PTPRN2: variants seen among roughly 807,000 people sequenced by gnomAD.
The protein encoded by PTPRN2 is protein tyrosine phosphatase receptor type N2.
PTPRN2 carries 74 observed loss-of-function variants against 118.8 expected under a neutral mutation model. The ratio of observed to expected loss-of-function variants is 0.62; its 90% CI spans 0.52 to 0.76. PTPRN2 has a LOEUF of 0.76. Ranked by LOEUF, PTPRN2 falls within the 30% of genes least tolerant of loss-of-function variation. PTPRN2 has a pLI of 0.00. For missense variants in PTPRN2, 1,481 were observed against 1,394.4 expected, an observed-to-expected ratio of 1.06 and a Z score of -0.99; for synonymous variants, 641 against 608.0, an observed-to-expected ratio of 1.05 and a Z score of -0.80.
At chr7:157,854,465 C>T (rs554834237) in intron 12 of PTPRN2, 1 of 152,450 alleles carries the variant, frequency 6.6e-6, no homozygotes, top group African/African-American at 2.4e-5. Context: ...CCCAAGGTCA[C>T]TGCCCTTGTG....
At chr7:157,552,432 C>T (rs1175361251) in intron 21 of PTPRN2, among the ~76,000 whole-genome samples, 1 of 152,054 alleles carries the variant, frequency 6.6e-6, no homozygotes, top group African/African-American at 2.4e-5. Context: ...CACTGGGTCT[C>T]GTAACTCCTC....
intron 11 of PTPRN2, among the ~76,000 whole-genome samples, chr7:158,007,603 AT>A: frequency 6.6e-6 from 1 of 152,306 alleles, no homozygotes; most frequent in South Asian, 2.1e-4. Flanking sequence ...CGCCAGGTGC[AT>A]CTGATGAAGG....
chr7:158,203,359 C>G (rs1427265276), intron 4 of PTPRN2, among the ~76,000 whole-genome samples: 1 of 151,144 alleles, frequency 6.6e-6, no homozygotes, highest in Non-Finnish European at 1.5e-5. Context: ...TCACTTATAA[C>G]TCATAAAACA....
intron 12 of PTPRN2, among the ~76,000 whole-genome samples, chr7:157,834,546 A>T (rs1268925807): frequency 6.6e-6 from 1 of 152,236 alleles, no homozygotes; most frequent in Non-Finnish European, 1.5e-5. Flanking sequence ...ACTCCCTGTG[A>T]TCAATCCATC....
chr7:157,695,862 A>C (rs981738670), intron 12 of PTPRN2, among the ~76,000 whole-genome samples: 1 of 149,994 alleles, frequency 6.7e-6, no homozygotes, highest in Non-Finnish European at 1.5e-5. Flanking sequence ...ACTGGATCTT[A>C]GTAGAGCCCT....
At chr7:157,891,297 G>T (rs1796785157) in intron 12 of PTPRN2, among the ~76,000 whole-genome samples, 1 of 152,174 alleles carries the variant, frequency 6.6e-6, no homozygotes, top group African/African-American at 2.4e-5. Context: ...GCACAGACAG[G>T]AAATGACAGG....
At position 157,725,190 on chromosome 7, in the gene PTPRN2, A is replaced by G. The variant is rs1042515557; in HGVS notation, c.1789-42253T>C. Among the ~76,000 whole-genome samples, 6 of 150,888 alleles carry G rather than the reference A, an allele frequency of 4.0e-5. No individual in the cohort carries two copies. The South Asian group carries it at 1.0e-3, about 26-fold the overall frequency. ...CCCTCGCCTCCCAGGAGAACTGGAT[A>G]TCCACACGCAGAGGACTGCGGCCAG... is the stretch of plus-strand genomic sequence containing the variant. On this transcript the variant is annotated intron_variant, in intron 12 of 22. Transcript: ENST00000389418.
intron 11 of PTPRN2, among the ~76,000 whole-genome samples, chr7:157,984,911 C>G (rs544126949): frequency 6.6e-6 from 1 of 152,232 alleles, no homozygotes; most frequent in South Asian, 2.1e-4. Flanking sequence ...GGCCCAGGCT[C>G]TCTGTGTAGA....
intron 12 of PTPRN2, among the ~76,000 whole-genome samples, chr7:157,767,344 C>A (rs1351481792): frequency 6.6e-6 from 1 of 152,214 alleles, no homozygotes; most frequent in Non-Finnish European, 1.5e-5. Flanking sequence ...TTCCTCCTGG[C>A]ATCTTGGTTT....
chr7:157,754,388 G>A (rs1286010867), intron 12 of PTPRN2, among the ~76,000 whole-genome samples: 4 of 152,250 alleles, frequency 2.6e-5, no homozygotes, highest in South Asian at 2.1e-4. Flanking sequence ...CCCGACACTC[G>A]GCTTCCACCA....
chr7:158,329,773 AG>A (rs1803994808), intron 2 of PTPRN2, among the ~76,000 whole-genome samples: 1 of 152,150 alleles, frequency 6.6e-6, no homozygotes, highest in Non-Finnish European at 1.5e-5. Context: ...TTGGCCTGGG[AG>A]TCGCAACCCA....
intron 6 of PTPRN2, among the ~76,000 whole-genome samples, chr7:158,151,128 C>A (rs1183153737): frequency 9.6e-6 from 1 of 104,692 alleles, no homozygotes; most frequent in Non-Finnish European, 2.0e-5. Context: ...CTGCCCACAC[C>A]GCCCGCCTTT....
rs147254418 is a variant in PTPRN2 at position 157,990,860 on chromosome 7, CGAG to C, written c.1723+90435_1723+90437del. 1.1e-3 allele frequency among the ~76,000 whole-genome samples: 168 copies of C among 152,194 alleles called. No homozygotes were observed. Among genetic ancestry groups the C allele is most frequent in the Admixed American group, 2.0e-3 (31 of 15,282 alleles). On this transcript the variant is annotated intron_variant, in intron 11 of 22. Coordinates refer to ENST00000389418, the MANE Select transcript of PTPRN2 (RefSeq NM_002847.5). The surrounding 1 kb of genome is among the most constrained non-coding windows in gnomAD (Gnocchi z 4.3). ...TGACCAGCCCAGTCCCAGCGCTTAC[CGAG>C]GAGGACTGGGGAGGGGGGCCGAGTC... is the stretch of plus-strand genomic sequence containing the variant.
chr7:158,246,990 C>G (rs1796297326), intron 3 of PTPRN2, among the ~76,000 whole-genome samples: 2 of 152,222 alleles, frequency 1.3e-5, no homozygotes, highest in Admixed American at 1.3e-4. Flanking sequence ...GCGCATGGAG[C>G]TTCCCAGAGC....
chr7:158,006,557 A>G (rs1397822356), intron 11 of PTPRN2, among the ~76,000 whole-genome samples: 1 of 152,214 alleles, frequency 6.6e-6, no homozygotes, highest in Non-Finnish European at 1.5e-5. Flanking sequence ...GGATGCAGAC[A>G]CACTTATCAC....
chr7:157,666,478 G>C (rs1256890180), intron 13 of PTPRN2, among the ~76,000 whole-genome samples: 3 of 150,852 alleles, frequency 2.0e-5, no homozygotes, highest in African/African-American at 7.3e-5. Flanking sequence ...TGAGAAGAAA[G>C]TATTCCAGAG....
At chr7:158,138,553 G>A (rs939904251) in intron 6 of PTPRN2, 38 bp from the exon 7 acceptor site, 17 of 1,584,376 alleles carry the variant, frequency 1.1e-5, no homozygotes, top group Non-Finnish European at 1.4e-5. Flanking sequence ...CGTTGTGGGT[G>A]GACGAATGCA....
At chr7:158,070,991 G>A in intron 11 of PTPRN2, among the ~76,000 whole-genome samples, 1 of 127,704 alleles carries the variant, frequency 7.8e-6, no homozygotes, top group Non-Finnish European at 1.7e-5. Context: ...CCGTGGTGGT[G>A]GAGGTGCTCA....
intron 1 of PTPRN2, among the ~76,000 whole-genome samples, chr7:158,524,966 A>G (rs1232398617): frequency 6.6e-6 from 1 of 152,176 alleles, no homozygotes; most frequent in Non-Finnish European, 1.5e-5. Context: ...CCTCCAGCAC[A>G]GCCAACACCA....
Sources: allele counts gnomAD v4.1 joint callset (sites outside exome capture counted in the v4.1 genomes callset), GRCh38; gene constraint gnomAD v4.1.1; non-coding constraint Gnocchi (gnomAD v3.1); transcripts MANE v1.5; gene names NCBI Gene and HGNC (gene_info 2026-07-23, HGNC 2026-07-21).